Variants in POP1 observed in about 807,000 individuals in gnomAD.
POP1 encodes POP1 ribonuclease P/MRP subunit, also known as ribonucleases P/MRP protein subunit POP1.
POP1 carries 75 observed loss-of-function variants against 102.2 expected under a neutral mutation model. The ratio of observed to expected loss-of-function variants is 0.73; its 90% CI spans 0.61 to 0.89. The LOEUF is 0.89. POP1 is among the 40% of genes least tolerant of loss of function. POP1 has a pLI of 0.00. For missense variants in POP1, 1,116 were observed against 1,267.4 expected, an observed-to-expected ratio of 0.88 and a Z score of 1.81; for synonymous variants, 436 against 464.1, an observed-to-expected ratio of 0.94 and a Z score of 0.78.
chr8:98,117,418 A>G, intron 1 of POP1, 28 bp downstream of exon 1: 1 of 367,270 alleles, frequency 2.7e-6, no homozygotes, highest in Non-Finnish European at 5.1e-6. Context: ...GGTGCCTTCC[A>G]GGATGCGAGT....
intron 1 of POP1, among the ~76,000 whole-genome samples, chr8:98,121,620 C>T (rs1045174274): frequency 8.8e-5 from 13 of 147,590 alleles, no homozygotes; most frequent in Admixed American, 2.8e-4. Flanking sequence ...TGGGTTCAAG[C>T]GATTCTCCTG....
chr8:98,157,263 TCTTA>T (rs1809675704), intron 15 of POP1, among the ~76,000 whole-genome samples: 1 of 152,196 alleles, frequency 6.6e-6, no homozygotes, highest in Admixed American at 6.5e-5. Flanking sequence ...TATCATTCTT[TCTTA>T]CTTTACATGT....
rs747381391 is a variant in POP1, at chr8:98,157,632, G to A, written c.2436G>A (p.Leu812=). The change falls in exon 16 of 16, where the codon CTG becomes CTA. Residue 812 remains leucine (L), a synonymous_variant. Coordinates refer to ENST00000401707, the MANE Select transcript of POP1 (RefSeq NM_001145860.2). ...CTTCATGTAGGAGTAGAAAATTACT[G>A]AAGCAACTGTCAGCCTGGTGTGGGC... is the stretch of plus-strand genomic sequence containing the variant. The part of the protein sequence containing the change: ...HLCVLRSRKL[L]KQLSAWCGPS... The A allele has an allele frequency of 3.1e-6, 5 of 1,614,204 alleles. No individual in the cohort carries two copies. The South Asian group carries it at 5.5e-5, about 18-fold the overall frequency.
rs769986949 is a variant in POP1 at position 98,157,708 on chromosome 8, C to A, written c.2512C>A (p.Gln838Lys). The change falls in exon 16 of 16, where the codon CAA becomes AAA. Residue 838 changes from glutamine to lysine, a missense_variant. Physicochemically the swap from Gln to Lys is moderately conservative, Grantham distance 53. Coordinates refer to ENST00000401707, the MANE Select transcript of POP1 (RefSeq NM_001145860.2). The part of the protein sequence containing the change: ...GGRRAPGRGQ[Q>K]GLTREACLSI... ...CCGGCGAGCTCCCGGCAGAGGCCAG[C>A]AAGGATTGACCAGAGAGGCTTGCCT... is the stretch of plus-strand genomic sequence containing the variant. 1 of 1,614,216 alleles carries A rather than the reference C, an allele frequency of 6.2e-7. No homozygotes were observed. The highest frequency in any genetic ancestry group is 8.5e-7 in the Non-Finnish European group (1 of 1,180,036).
At chr8:98,135,255 G>A (rs749032882) in intron 7 of POP1, among the ~76,000 whole-genome samples, 1 of 151,788 alleles carries the variant, frequency 6.6e-6, no homozygotes, top group African/African-American at 2.4e-5. Context: ...TCCAGCCTGG[G>A]TGACAGTGAG....
chr8:98,130,212 C>A lies in POP1; in HGVS notation c.721C>A (p.Arg241=), dbSNP rs150132872. ...HRACYRAMTN[R]CLLQDLSYYC... is the part of the protein sequence containing the mutation. ...AGCCTGCTATCGAGCCATGACGAAC[C>A]GGTGCCTCCTGCAGGTGAGCTTTTC... is the stretch of plus-strand genomic sequence containing the variant. The change falls in exon 5 of 16, where the codon CGG becomes AGG. Residue 241 remains arginine, a synonymous_variant. Transcript: ENST00000401707. 7.4e-6 allele frequency: 12 copies of A among 1,614,004 alleles called. No homozygotes were observed. In the South Asian group the frequency reaches 1.2e-4, roughly 16 times the overall value.
rs1809640129 is a variant in POP1 at position 98,156,098 on chromosome 8, A to G, written c.2106A>G (p.Ala702=). The change falls in exon 15 of 16, where the codon GCA becomes GCG. Residue 702 remains alanine, a synonymous_variant. Transcript: ENST00000401707. Reference sequence around the variant, plus strand: ...ACTACGTTAAGCTTGGCACTCTGGCACCTTTCTGCTGTCCCTGGGAGCAGT... The same window carrying G: ...ACTACGTTAAGCTTGGCACTCTGGCGCCTTTCTGCTGTCCCTGGGAGCAGT... The part of the protein sequence containing the change: ...RPNYVKLGTL[A]PFCCPWEQLT... The G allele has an allele frequency of 6.2e-7, 1 of 1,613,914 alleles. No individual in the cohort carries two copies. The highest frequency in any genetic ancestry group is 8.5e-7 in the Non-Finnish European group (1 of 1,180,034).
At chr8:98,141,009 C>G in intron 11 of POP1, 121 bp downstream of exon 11, 1 of 1,149,486 alleles carries the variant, frequency 8.7e-7, no homozygotes, top group Non-Finnish European at 1.3e-6. Flanking sequence ...TTAGGGCAGT[C>G]TCCTTACCTG....
In POP1 at chr8:98,157,696, G is replaced by A. The variant is rs751972489; in HGVS notation, c.2500G>A (p.Gly834Ser). 6 of 1,614,066 alleles carry A rather than the reference G, an allele frequency of 3.7e-6. No homozygotes were observed. Among genetic ancestry groups the A allele is most frequent in the African/African-American group, 1.3e-5 (1 of 74,930 alleles). ...TAGTCGGGGAGGCCGGCGAGCTCCC[G>A]GCAGAGGCCAGCAAGGATTGACCAG... Reference protein sequence around the residue: ...EDSRGGRRAPGRGQQGLTREA... With the variant: ...EDSRGGRRAPSRGQQGLTREA... Residue 834 changes from glycine (G) to serine (S), a missense_variant, in exon 16 of 16, where the codon GGC becomes AGC. Coordinates refer to ENST00000401707, the MANE Select transcript of POP1 (RefSeq NM_001145860.2).
intron 9 of POP1, among the ~76,000 whole-genome samples, 164 bp downstream of exon 9, chr8:98,137,118 C>T (rs1816569794): frequency 6.6e-6 from 1 of 152,132 alleles, no homozygotes; most frequent in Admixed American, 6.5e-5. Flanking sequence ...TTTCACTTCT[C>T]CTAGAAGACC....
chr8:98,136,554 C>T lies in POP1; in HGVS notation c.1084C>T (p.Pro362Ser). 1 of 1,613,892 alleles carries T rather than the reference C, an allele frequency of 6.2e-7. No individual in the cohort carries two copies. The highest frequency in any genetic ancestry group is 1.3e-5 in the African/African-American group (1 of 74,974). Residue 362 changes from proline (P) to serine (S), a missense_variant, in exon 8 of 16, where the codon CCA (proline) becomes TCA (serine). By Grantham distance (74) the Pro-to-Ser change is moderately conservative. Coordinates refer to ENST00000401707, the MANE Select transcript of POP1 (RefSeq NM_001145860.2). ...PIKSAVCIAD[P>S]LPTPSQEKSQ... is the part of the protein sequence containing the mutation. ...CAAATCAGCTGTCTGCATCGCTGACCCACTTCCAACACCATCCCAAGAAAA... is the reference window on the plus strand; with the variant it reads ...CAAATCAGCTGTCTGCATCGCTGACTCACTTCCAACACCATCCCAAGAAAA...
In POP1 at chr8:98,150,432, G is replaced by A. The variant is rs1353298524; in HGVS notation, c.1903-53G>A. On this transcript the variant is annotated intron_variant, in intron 13 of 15. Coordinates refer to ENST00000401707, the MANE Select transcript of POP1 (RefSeq NM_001145860.2). ...CCATTTTCCCCCATATAAACATTAA[G>A]CAATTCACTTTAAGTTGGTAGACTG... is the stretch of plus-strand genomic sequence containing the variant. 2.5e-6 allele frequency: 4 copies of A among 1,599,554 alleles called. No individual in the cohort carries two copies. The African/African-American group carries it at 4.0e-5, about 16-fold the overall frequency.
rs762132704 is a variant in POP1 at position 98,136,658 on chromosome 8, T to TA, written c.1195dup (p.Ile399AsnfsTer4). 1 of 1,613,014 alleles carries TA rather than the reference T, an allele frequency of 6.2e-7. No individual in the cohort carries two copies. The highest frequency in any genetic ancestry group is 8.5e-7 in the Non-Finnish European group (1 of 1,179,154). The stretch of plus-strand genomic sequence containing the variant: ...ATGATGGAGAAAATGCTAAACCAAT[T>TA]AAAAAAATTATCGGTGATGGAACTA... On this transcript the variant is annotated frameshift_variant, in exon 8 of 16. Coordinates refer to ENST00000401707, the MANE Select transcript of POP1 (RefSeq NM_001145860.2). LOFTEE classifies it high-confidence loss of function.
chr8:98,154,431 G>A (rs73281827), intron 14 of POP1, among the ~76,000 whole-genome samples: 2,208 of 152,280 alleles, frequency 0.014, 66 homozygotes, highest in African/African-American at 0.05. Context: ...CATTGTTGTG[G>A]GAGGGTAAGT....
chr8:98,145,825 G>A (rs1346670094), intron 11 of POP1, among the ~76,000 whole-genome samples: 2 of 152,022 alleles, frequency 1.3e-5, no homozygotes, highest in Non-Finnish European at 2.9e-5. Flanking sequence ...AGAATTACAT[G>A]AACCTGGGAG....
intron 9 of POP1, among the ~76,000 whole-genome samples, 178 bp downstream of exon 9, chr8:98,137,132 A>G (rs1312516403): frequency 1.3e-5 from 2 of 152,122 alleles, no homozygotes; most frequent in Non-Finnish European, 2.9e-5. Context: ...GAAGACCACA[A>G]CTAAGTGGAT....
chr8:98,130,859 T>C (rs561263300), intron 5 of POP1, among the ~76,000 whole-genome samples: 2 of 152,328 alleles, frequency 1.3e-5, no homozygotes, highest in East Asian at 3.9e-4. Context: ...TTTAAACGCT[T>C]TGAGAGGACA....
At chr8:98,124,485 C>T (rs966748840) in intron 2 of POP1, among the ~76,000 whole-genome samples, 8 of 151,756 alleles carry the variant, frequency 5.3e-5, no homozygotes, top group South Asian at 4.2e-4. Flanking sequence ...TTGCTTGAAC[C>T]GGGAGGTGGA....
At chr8:98,129,282 G>A (rs576184779) in intron 4 of POP1, among the ~76,000 whole-genome samples, 2 of 152,264 alleles carry the variant, frequency 1.3e-5, no homozygotes, top group South Asian at 2.1e-4. Context: ...TTTAATTTTT[G>A]TACAAGTCTA....
Sources: gnomAD v4.1 joint callset for allele counts (sites outside exome capture counted in the v4.1 genomes callset) on GRCh38, gnomAD v4.1.1 for gene constraint, MANE v1.5 for transcripts, NCBI Gene and HGNC (gene_info 2026-07-23, HGNC 2026-07-21) for gene names.